The following MTMR3 variants were observed in gnomAD, a reference collection of about 807,000 sequenced individuals.
MTMR3 encodes the protein phosphatidylinositol-3,5-bisphosphate 3-phosphatase MTMR3.
Under a neutral mutation model 132.4 loss-of-function variants are expected in MTMR3, and 32 were observed. The ratio of observed to expected loss-of-function variants is 0.24; its 90% CI spans 0.18 to 0.32. The LOEUF (loss-of-function observed/expected upper bound fraction) is 0.32. Among genes scored for constraint, MTMR3 ranks in the 10% least tolerant of loss-of-function variants. The probability of loss-of-function intolerance (pLI) is 1.00; values close to 1 mark genes in which losing one functional copy is unlikely to be tolerated. For missense variants in MTMR3, 1,216 were observed against 1,489.6 expected (o/e 0.82, Z 3.02); for synonymous variants, 556 against 550.3 (o/e 1.01, Z -0.14).
chr22:29,977,000 G>T (rs1442676451), intron 3 of MTMR3, among the ~76,000 whole-genome samples: 2 of 151,990 alleles, frequency 1.3e-5, no homozygotes, highest in Non-Finnish European at 2.9e-5. Flanking sequence ...TTTAAAAATT[G>T]CTGTGTGGGG....
intron 1 of MTMR3, among the ~76,000 whole-genome samples, chr22:29,910,082 T>G (rs1319251956): frequency 6.6e-6 from 1 of 151,574 alleles, no homozygotes. Context: ...GAGAATGGCG[T>G]GAACCCAGGA....
chr22:30,001,477 C>G (rs534676426), intron 8 of MTMR3: 1 of 152,406 alleles, frequency 6.6e-6, no homozygotes, highest in Non-Finnish European at 1.5e-5. Flanking sequence ...TGTTTGAGCC[C>G]AGGAGGTCGA....
rs1216531478 is a variant in MTMR3, at chr22:29,998,874, C to G, written c.557+17C>G. 1 of 1,572,902 alleles carries G rather than the reference C, an allele frequency of 6.4e-7. No individual in the cohort carries two copies. Among genetic ancestry groups the G allele is most frequent in the South Asian group, 1.2e-5 (1 of 86,696 alleles). On this transcript the variant is annotated intron_variant, in intron 8 of 19. Transcript: ENST00000401950. ...GAAGTACAAGTGAGTTATATGGGTC[C>G]CTGTGGACTGTTTCACAGCCAGTGC...
rs758988260 is a variant in MTMR3, at chr22:29,991,678, T to C, written c.460+8T>C. 3.8e-6 allele frequency: 6 copies of C among 1,579,162 alleles called. No homozygotes were observed. Among genetic ancestry groups the C allele is most frequent in the Non-Finnish European group, 5.2e-6 (6 of 1,163,530 alleles). ...GAGACCTGTGCAGACCAGGTACGCC[T>C]TTCTGAAATGTGCAAATGGCCAGGG... On this transcript the variant is annotated splice_region_variant and intron_variant, in intron 7 of 19. Coordinates refer to ENST00000401950, the MANE Select transcript of MTMR3 (RefSeq NM_021090.4).
At chr22:29,888,858 C>G (rs2064734106) in intron 1 of MTMR3, among the ~76,000 whole-genome samples, 1 of 149,320 alleles carries the variant, frequency 6.7e-6, no homozygotes, top group Non-Finnish European at 1.5e-5. Flanking sequence ...ACTGTAACCT[C>G]CGCCTCCTGG....
At chr22:29,911,887 A>G (rs187568705) in intron 1 of MTMR3, among the ~76,000 whole-genome samples, 1 of 152,314 alleles carries the variant, frequency 6.6e-6, no homozygotes, top group Admixed American at 6.5e-5. Flanking sequence ...GTTTCCCTTA[A>G]AGAGCTTATC....
At chr22:29,886,064 G>A (rs1472644214) in intron 1 of MTMR3, among the ~76,000 whole-genome samples, 1 of 152,192 alleles carries the variant, frequency 6.6e-6, no homozygotes, top group African/African-American at 2.4e-5. Context: ...CCAGTATCCA[G>A]CGCAGTTATC....
At chr22:29,905,864 A>C (rs145160719) in intron 1 of MTMR3, among the ~76,000 whole-genome samples, 1 of 152,328 alleles carries the variant, frequency 6.6e-6, no homozygotes, top group East Asian at 1.9e-4. Flanking sequence ...CATATTTTAA[A>C]TTATGGCAAG....
chr22:30,003,055 CT>C, intron 9 of MTMR3, 62 bp downstream of exon 9: 1 of 1,277,038 alleles, frequency 7.8e-7, no homozygotes, highest in Non-Finnish European at 1.1e-6. Context: ...ATATGGTCTG[CT>C]GCCTCTGCTG....
At chr22:29,992,841 G>A (rs1385315029) in intron 7 of MTMR3, 1 of 152,170 alleles carries the variant, frequency 6.6e-6, no homozygotes, top group Non-Finnish European at 1.5e-5. Context: ...TAAAATGCTT[G>A]TAGCATTAGC....
Position 30,022,081 on chromosome 22 carries a change from G to A in MTMR3, c.3278G>A (p.Cys1093Tyr), listed in dbSNP as rs1303111131. The change falls in exon 18 of 20, where the codon TGC becomes TAC. Residue 1093 changes from cysteine (C) to tyrosine (Y), a missense_variant. This residue lies in a region of MTMR3 where 852 missense variants were observed against 852.0 expected (regional missense o/e 1.00). Coordinates refer to ENST00000401950, the MANE Select transcript of MTMR3 (RefSeq NM_021090.4). ...CTGGATCAGAACTGTTTGTCTCGCT[G>A]CAGCACAGAGATTTTCTCTGAAGCC... is the stretch of plus-strand genomic sequence containing the variant. ...SNLDQNCLSRCSTEIFSEASW... is the reference protein window; with the variant it reads ...SNLDQNCLSRYSTEIFSEASW... The A allele has an allele frequency of 1.9e-6, 3 of 1,614,076 alleles. No individual in the cohort carries two copies. The highest frequency in any genetic ancestry group is 2.7e-5 in the African/African-American group (2 of 74,922).
intron 1 of MTMR3, among the ~76,000 whole-genome samples, chr22:29,896,908 C>CACAT (rs2064912095): frequency 6.6e-6 from 1 of 151,106 alleles, no homozygotes; most frequent in Non-Finnish European, 1.5e-5. Context: ...CACACATACA[C>CACAT]ACACACAAAT....
intron 1 of MTMR3, among the ~76,000 whole-genome samples, chr22:29,905,757 T>C (rs2065081572): frequency 6.6e-6 from 1 of 152,244 alleles, no homozygotes; most frequent in Non-Finnish European, 1.5e-5. Flanking sequence ...CATCTTTTAT[T>C]ACTGTATTTT....
At chr22:29,962,532 G>A (rs922234811) in intron 2 of MTMR3, among the ~76,000 whole-genome samples, 4 of 152,124 alleles carry the variant, frequency 2.6e-5, no homozygotes, top group African/African-American at 7.2e-5. Flanking sequence ...ATAGCCGGGT[G>A]TGGTGGCTTG....
At chr22:29,893,720 T>G (rs373916416) in intron 1 of MTMR3, among the ~76,000 whole-genome samples, 2 of 152,316 alleles carry the variant, frequency 1.3e-5, no homozygotes, top group South Asian at 2.1e-4. Flanking sequence ...AATGGAAATA[T>G]TAGTAGTGAT....
At chr22:29,938,870 A>G (rs2065801648) in intron 1 of MTMR3, among the ~76,000 whole-genome samples, 1 of 151,936 alleles carries the variant, frequency 6.6e-6, no homozygotes, top group South Asian at 2.1e-4. Flanking sequence ...TGCCCAGGCT[A>G]GAGTGCAGTG....
intron 1 of MTMR3, among the ~76,000 whole-genome samples, chr22:29,896,915 A>AC (rs1602422996): frequency 4.6e-5 from 7 of 151,438 alleles, no homozygotes; most frequent in Admixed American, 6.6e-5. Flanking sequence ...ACACACACAC[A>AC]AATCCCATAT....
intron 1 of MTMR3, among the ~76,000 whole-genome samples, chr22:29,908,245 C>T (rs8136147): frequency 0.22 from 32,852 of 152,002 alleles, 3,991 homozygotes; most frequent in Middle Eastern, 0.37. Context: ...ACTCAAGAAG[C>T]TCAATGCCAT....
chr22:30,007,384 G>T, intron 10 of MTMR3, 65 bp downstream of exon 10: 1 of 1,463,768 alleles, frequency 6.8e-7, no homozygotes, highest in Non-Finnish European at 9.5e-7. Flanking sequence ...TCTTGAAATG[G>T]CCTCTTCCTT....
Sources: gnomAD v4.1 joint callset for allele counts (sites outside exome capture counted in the v4.1 genomes callset) on GRCh38, gnomAD v4.1.1 for gene constraint, gnomAD v4.1.1 regional missense constraint, MANE v1.5 for transcripts, NCBI Gene and HGNC (gene_info 2026-07-23, HGNC 2026-07-21) for gene names.